NHS: variants seen among roughly 807,000 people sequenced by gnomAD.
NHS encodes the protein actin remodeling regulator NHS.
NHS carries 5 observed loss-of-function variants against 72.5 expected under a neutral mutation model. The observed-to-expected ratio is 0.07, with a 90% CI of 0.04 to 0.14. The LOEUF (loss-of-function observed/expected upper bound fraction) is 0.14, where lower values mean the gene tolerates loss of function less well. Among genes scored for constraint, NHS ranks in the 10% least tolerant of loss-of-function variants. The probability of loss-of-function intolerance (pLI) is 1.00; values close to 1 mark genes in which losing one functional copy is unlikely to be tolerated. For synonymous variants in NHS, 464 were observed against 547.7 expected, an observed-to-expected ratio of 0.85 and a Z score of 2.13; for missense variants, 1,072 against 1,355.7, an observed-to-expected ratio of 0.79 and a Z score of 3.29.
chrX:17,667,058 G>A (rs1271737383), intron 1 of NHS, among the ~76,000 whole-genome samples: 2 of 112,612 alleles, frequency 1.8e-5, no homozygotes, highest in Non-Finnish European at 3.8e-5. Flanking sequence ...ATTGCTTCCA[G>A]CCTGAGAGAA....
chrX:17,397,708 T>G (rs1331256086), intron 1 of NHS, among the ~76,000 whole-genome samples: 1 of 112,527 alleles, frequency 8.9e-6, no homozygotes, highest in Non-Finnish European at 1.9e-5. Context: ...ATCAAAGTTA[T>G]TCATGTGCTC....
Position 17,734,156 on chromosome X carries a change from A to G in NHS, c.*1692A>G, listed in dbSNP as rs2066506592. ...GTGATTAGAGTGATAGAACATACCA[A>G]TGTTACCAAGAAATTGACAAGCTGC... On this transcript the variant is annotated 3_prime_UTR_variant, in exon 9 of 9. Transcript: ENST00000676302. The G allele has an allele frequency of 8.9e-6, 1 of 111,967 alleles. No individual in the cohort carries two copies. The highest frequency in any genetic ancestry group is 1.9e-5 in the Non-Finnish European group (1 of 53,171). 9.2% of individuals were successfully genotyped at this position (111,967 alleles called of 1,213,427 possible).
At chrX:17,477,591 A>C (rs1023790761) in intron 1 of NHS, among the ~76,000 whole-genome samples, 1 of 112,475 alleles carries the variant, frequency 8.9e-6, no homozygotes, top group African/African-American at 3.2e-5. Context: ...TGTTGGGAAC[A>C]TACTGAGGCA....
At chrX:17,673,865 G>C (rs890022207) in intron 1 of NHS, among the ~76,000 whole-genome samples, 3 of 112,196 alleles carry the variant, frequency 2.7e-5, no homozygotes, top group African/African-American at 9.7e-5. Context: ...ATCCTATCCA[G>C]CCCTTAACCC....
chrX:17,437,673 T>C lies in NHS; in HGVS notation c.565+61351T>C, dbSNP rs985415667. ...GGTTTTCCTCATCAGCCAGTAGCAC[T>C]TCCTGTAAGTTTTGATTGAATTGCC... On this transcript the variant is annotated intron_variant, in intron 1 of 8. Coordinates refer to ENST00000676302, the MANE Select transcript of NHS (RefSeq NM_001291867.2). 6.6e-4 allele frequency among the ~76,000 whole-genome samples: 74 copies of C among 112,144 alleles called. 1 individual carries two copies. Among genetic ancestry groups the C allele is most frequent in the African/African-American group, 2.4e-3 (74 of 30,848 alleles).
chrX:17,424,032 G>A (rs918143986), intron 1 of NHS, among the ~76,000 whole-genome samples: 1 of 112,378 alleles, frequency 8.9e-6, no homozygotes, highest in African/African-American at 3.2e-5. Flanking sequence ...TGCTCTGAAT[G>A]TTTTAATCAT....
chrX:17,648,462 G>C lies in NHS; in HGVS notation c.566-39280G>C, dbSNP rs187355814. On this transcript the variant is annotated intron_variant, in intron 1 of 8. Coordinates refer to ENST00000676302, the MANE Select transcript of NHS (RefSeq NM_001291867.2). ...TCTTCTGGCCAAATCAGGTCATAAG[G>C]CCTGCTCAGATTCAAGGTGGAGAAA... 2.9e-3 allele frequency among the ~76,000 whole-genome samples: 322 copies of C among 112,472 alleles called. 2 individuals are homozygous for C. The highest frequency in any genetic ancestry group is 9.8e-3 in the African/African-American group (302 of 30,973).
intron 3 of NHS, among the ~76,000 whole-genome samples, chrX:17,703,972 C>T (rs766699348): frequency 4.5e-4 from 50 of 111,823 alleles, no homozygotes; most frequent in Admixed American, 1.5e-3. Context: ...AGCAAATCAG[C>T]AGGCATATGG....
intron 1 of NHS, among the ~76,000 whole-genome samples, chrX:17,538,949 T>C (rs1022111819): frequency 8.9e-6 from 1 of 112,171 alleles, no homozygotes; most frequent in Admixed American, 9.4e-5. Context: ...TCAGCCAGGC[T>C]TTTTGGCTTT....
At chrX:17,639,156 C>T (rs1288706823) in intron 1 of NHS, among the ~76,000 whole-genome samples, 3 of 111,940 alleles carry the variant, frequency 2.7e-5, no homozygotes, top group Non-Finnish European at 5.6e-5. Flanking sequence ...AGCTGGGTTG[C>T]TTTCCCCTCT....
At chrX:17,627,170 A>G (rs970058183) in intron 1 of NHS, among the ~76,000 whole-genome samples, 2 of 112,537 alleles carry the variant, frequency 1.8e-5, no homozygotes, top group African/African-American at 6.5e-5. Context: ...ATCTGGGTGC[A>G]TGATGTCATT....
At chrX:17,400,221 A>T (rs774116716) in intron 1 of NHS, among the ~76,000 whole-genome samples, 1 of 111,954 alleles carries the variant, frequency 8.9e-6, no homozygotes, top group Non-Finnish European at 1.9e-5. Flanking sequence ...AGCTTTTAGG[A>T]TACAAGATCA....
chrX:17,609,176 T>G, intron 1 of NHS, among the ~76,000 whole-genome samples: 1 of 112,033 alleles, frequency 8.9e-6, no homozygotes, highest in East Asian at 2.8e-4. Flanking sequence ...AATGCCAAAT[T>G]GAGTCAGCCA....
At chrX:17,548,043 A>G (rs1185350620) in intron 1 of NHS, among the ~76,000 whole-genome samples, 1 of 111,620 alleles carries the variant, frequency 9.0e-6, no homozygotes, top group Admixed American at 9.5e-5. Context: ...CAGACTTGCT[A>G]TTTTCTCATG....
At chrX:17,493,043 G>A (rs1010339849) in intron 1 of NHS, among the ~76,000 whole-genome samples, 2 of 111,475 alleles carry the variant, frequency 1.8e-5, no homozygotes, top group Admixed American at 9.5e-5. Context: ...GTTTTTTGTT[G>A]TGGAAAATGT....
chrX:17,472,486 TGA>T (rs1018836383), intron 1 of NHS, among the ~76,000 whole-genome samples: 5 of 111,907 alleles, frequency 4.5e-5, no homozygotes, highest in Non-Finnish European at 7.5e-5. Flanking sequence ...TGAGAGAATG[TGA>T]GAGAGACAGA....
intron 1 of NHS, among the ~76,000 whole-genome samples, chrX:17,479,627 T>A (rs940743992): frequency 1.2e-4 from 14 of 112,597 alleles, no homozygotes; most frequent in African/African-American, 4.2e-4. Context: ...GGTTTTGATG[T>A]GCATTTTTCT....
intron 3 of NHS, among the ~76,000 whole-genome samples, chrX:17,712,266 TATATATATATATATATATATATATAC>T (rs1213222932): frequency 5.3e-5 from 4 of 75,912 alleles, no homozygotes; most frequent in African/African-American, 1.9e-4. Context: ...TATATATATA[TATATATATATATATATATATATATAC>T]ACACACACAC....
At chrX:17,529,165 G>A (rs767698013) in intron 1 of NHS, among the ~76,000 whole-genome samples, 1 of 111,258 alleles carries the variant, frequency 9.0e-6, no homozygotes, top group Non-Finnish European at 1.9e-5. Flanking sequence ...CAAGAAGGGT[G>A]CTATATAAGC....
Sources: gnomAD v4.1 joint callset for allele counts (sites outside exome capture counted in the v4.1 genomes callset) on GRCh38, gnomAD v4.1.1 for gene constraint, MANE v1.5 for transcripts, NCBI Gene and HGNC (gene_info 2026-07-23, HGNC 2026-07-21) for gene names.